TOMM34: variants seen among roughly 807,000 people sequenced by gnomAD.
TOMM34 encodes translocase of outer mitochondrial membrane 34.
In TOMM34, 24 loss-of-function variants were observed where a neutral mutation model predicts 37.4. The ratio of observed to expected loss-of-function variants is 0.64; its 90% confidence interval spans 0.46 to 0.90. The LOEUF (loss-of-function observed/expected upper bound fraction) is 0.90, where lower values mean the gene tolerates loss of function less well. TOMM34 is among the 40% of genes least tolerant of loss of function. TOMM34 has a pLI of 0.00. For synonymous variants in TOMM34, 154 were observed against 148.9 expected, an observed-to-expected ratio of 1.03 and a Z score of -0.25; for missense variants, 304 against 375.6, an observed-to-expected ratio of 0.81 and a Z score of 1.58.
chr20:44,944,229 T>C (rs1207360245), intron 5 of TOMM34, among the ~76,000 whole-genome samples: 1 of 152,256 alleles, frequency 6.6e-6, no homozygotes, highest in Non-Finnish European at 1.5e-5. Flanking sequence ...AAAAAAGTTA[T>C]GTGCATCCAT....
chr20:44,945,570 A>G (rs1292832681), intron 5 of TOMM34, among the ~76,000 whole-genome samples: 1 of 152,258 alleles, frequency 6.6e-6, no homozygotes, highest in African/African-American at 2.4e-5. Context: ...AGCTCACAGC[A>G]GCACACATGA....
At chr20:44,952,116 C>G in intron 3 of TOMM34, 114 bp from the exon 4 acceptor site, 1 of 1,330,424 alleles carries the variant, frequency 7.5e-7, no homozygotes, top group Non-Finnish European at 1.0e-6. Context: ...CTGCCACCCT[C>G]CCCCTGGTCG....
At chr20:44,946,628 A>C (rs1286266173) in intron 5 of TOMM34, among the ~76,000 whole-genome samples, 3 of 152,214 alleles carry the variant, frequency 2.0e-5, no homozygotes, top group Non-Finnish European at 4.4e-5. Flanking sequence ...AGGGCTGGCA[A>C]GTTGTAGGTG....
intron 4 of TOMM34, among the ~76,000 whole-genome samples, chr20:44,950,604 G>T (rs1431094054): frequency 6.6e-6 from 1 of 152,210 alleles, no homozygotes; most frequent in African/African-American, 2.4e-5. Flanking sequence ...AATGGTAGGT[G>T]CACTGATTGA....
intron 3 of TOMM34, 120 bp from the exon 4 acceptor site, chr20:44,952,122 G>T: frequency 8.2e-7 from 1 of 1,226,112 alleles, no homozygotes; most frequent in Non-Finnish European, 1.1e-6. Flanking sequence ...CCCTCCCCCT[G>T]GTCGGAACCA....
At chr20:44,944,462 A>G (rs1315455305) in intron 5 of TOMM34, among the ~76,000 whole-genome samples, 1 of 152,208 alleles carries the variant, frequency 6.6e-6, no homozygotes, top group African/African-American at 2.4e-5. Flanking sequence ...TTTCCTATCA[A>G]GAGGTATTTT....
At chr20:44,952,531 T>G (rs1018037691) in intron 3 of TOMM34, 2 of 711,914 alleles carry the variant, frequency 2.8e-6, no homozygotes, top group Admixed American at 2.0e-5. Flanking sequence ...TCTCTTCTGA[T>G]CCTTCTGTTC....
At chr20:44,946,526 C>T (rs2066982071) in intron 5 of TOMM34, among the ~76,000 whole-genome samples, 3 of 152,182 alleles carry the variant, frequency 2.0e-5, no homozygotes, top group African/African-American at 7.2e-5. Context: ...GTCACTAATT[C>T]ATCTTTCTGA....
chr20:44,959,130 TAATA>T (rs2067103161), intron 1 of TOMM34: 1 of 151,974 alleles, frequency 6.6e-6, no homozygotes, highest in Non-Finnish European at 1.5e-5. Flanking sequence ...CACAGGGCCA[TAATA>T]AAGATCAAAG....
intron 1 of TOMM34, among the ~76,000 whole-genome samples, chr20:44,959,427 G>A (rs916927004): frequency 2.6e-5 from 4 of 152,152 alleles, no homozygotes; most frequent in African/African-American, 7.2e-5. Flanking sequence ...AAACTCTCCA[G>A]TAGCTTCCCA....
chr20:44,942,975 G>A lies in TOMM34; in HGVS notation c.*134C>T, dbSNP rs2066947828. ...AGCAAAGCCTCTTACAGGGTGGGAGGCCATCAAGGGATTGAGGAGGGGGCT... is the reference window on the plus strand; with the variant it reads ...AGCAAAGCCTCTTACAGGGTGGGAGACCATCAAGGGATTGAGGAGGGGGCT... On this transcript the variant is annotated 3_prime_UTR_variant, in exon 7 of 7. Transcript: ENST00000372813. The A allele has an allele frequency of 1.2e-5, 9 of 736,864 alleles. No homozygotes were observed. The highest frequency in any genetic ancestry group is 1.2e-4 in the South Asian group (7 of 58,744). The allele number at this position is 736,864 out of a possible 1,614,324, so 45.6% of individuals were successfully genotyped here.
rs374756842 is a variant in TOMM34 at position 44,948,761 on chromosome 20, T to C, written c.667A>G (p.Ser223Gly). The change falls in exon 5 of 7, where the codon AGT becomes GGT. Residue 223 changes from serine (S) to glycine (G), a missense_variant. Transcript: ENST00000372813. ...IEKYSESLLC[S>G]NLESATYSNR... The stretch of plus-strand genomic sequence containing the variant: ...CTGTACGTGGCAGATTCCAGGTTAC[T>C]ACACAAGAGGCTTTCACTGTACTTC... 3.7e-6 allele frequency: 6 copies of C among 1,614,066 alleles called. No homozygotes were observed. The highest frequency in any genetic ancestry group is 5.1e-6 in the Non-Finnish European group (6 of 1,180,008).
At chr20:44,951,438 G>A (rs528788823) in intron 4 of TOMM34, among the ~76,000 whole-genome samples, 11 of 152,212 alleles carry the variant, frequency 7.2e-5, no homozygotes, top group South Asian at 2.1e-4. Flanking sequence ...GAATTCTCTC[G>A]GATTTTTCAG....
intron 4 of TOMM34, among the ~76,000 whole-genome samples, chr20:44,950,660 G>A (rs1036568131): frequency 4.6e-5 from 7 of 152,322 alleles, no homozygotes; most frequent in Admixed American, 6.5e-5. Context: ...CATTAGCACC[G>A]CACATTTTCA....
At position 44,960,212 on chromosome 20, in the gene TOMM34, G is replaced by A; in HGVS notation, c.122C>T (p.Ala41Val). 6.4e-7 allele frequency: 1 copy of A among 1,558,986 alleles called. No homozygotes were observed. The highest frequency in any genetic ancestry group is 8.7e-7 in the Non-Finnish European group (1 of 1,152,722). ...GATGGGGGCCGGGGTCGTACCTTGCGCCTGCAGCACCCGCAGCGCGCGGCC... is the reference window on the plus strand; with the variant it reads ...GATGGGGGCCGGGGTCGTACCTTGCACCTGCAGCACCCGCAGCGCGCGGCC... ...LYGRALRVLQ[A>V]QGSSDPEEES... The change falls in exon 1 of 7, where the codon GCG becomes GTG. Residue 41 changes from alanine (A) to valine (V), a missense_variant. Ala to Val is a moderately conservative substitution (Grantham distance 64). Coordinates refer to ENST00000372813, the MANE Select transcript of TOMM34 (RefSeq NM_006809.5).
Position 44,948,719 on chromosome 20 carries a change from A to T in TOMM34, c.698+11T>A. 1 of 1,614,134 alleles carries T rather than the reference A, an allele frequency of 6.2e-7. No individual in the cohort carries two copies. The highest frequency in any genetic ancestry group is 8.5e-7 in the Non-Finnish European group (1 of 1,179,962). ...TGAAATGCCCCAGGCCAGCAGCTGT[A>T]TAGGAGATACCTGTTGCTGTACGTG... On this transcript the variant is annotated intron_variant, in intron 5 of 6. Transcript: ENST00000372813.
chr20:44,951,931 G>A lies in TOMM34; in HGVS notation c.452C>T (p.Pro151Leu). The change falls in exon 4 of 7, where the codon CCT becomes CTT. Residue 151 changes from proline (P) to leucine (L), a missense_variant. Physicochemically the swap from Pro to Leu is moderately conservative, Grantham distance 98. Coordinates refer to ENST00000372813, the MANE Select transcript of TOMM34 (RefSeq NM_006809.5). ...RLKLPSIPLV[P>L]VSAQKRWNSL... The stretch of plus-strand genomic sequence containing the variant: ...ATTCCACCTCTTCTGAGCTGAAACA[G>A]GCACCAAGGGGATTGAGGGCAGCTT... 6.2e-7 allele frequency: 1 copy of A among 1,614,142 alleles called. No homozygotes were observed. The highest frequency in any genetic ancestry group is 8.5e-7 in the Non-Finnish European group (1 of 1,179,988).
rs755201071 is a variant in TOMM34 at position 44,951,826 on chromosome 20, A to T, written c.550+7T>A. 1.6e-5 allele frequency: 25 copies of T among 1,611,350 alleles called. 1 individual carries two copies. The South Asian group carries it at 2.3e-4, about 15-fold the overall frequency. On this transcript the variant is annotated splice_region_variant and intron_variant, in intron 4 of 6. Coordinates refer to ENST00000372813, the MANE Select transcript of TOMM34 (RefSeq NM_006809.5). ...TGCAAGACTCTGGGCAGGGAGTCAC[A>T]GCTCACCTCTGTTCTTTGTAGCTGT... is the stretch of plus-strand genomic sequence containing the variant.
chr20:44,954,295 A>G (rs2067051422), intron 3 of TOMM34, among the ~76,000 whole-genome samples: 1 of 152,154 alleles, frequency 6.6e-6, no homozygotes, highest in South Asian at 2.1e-4. Context: ...GACCTCTATG[A>G]CGGCAGGAAG....
Sources: gnomAD v4.1 joint callset for allele counts (sites outside exome capture counted in the v4.1 genomes callset) on GRCh38, gnomAD v4.1.1 for gene constraint, MANE v1.5 for transcripts, NCBI Gene and HGNC (gene_info 2026-07-23, HGNC 2026-07-21) for gene names.